The following PDE1C variants were observed in gnomAD, a reference collection of about 807,000 sequenced individuals.
PDE1C encodes dual specificity calcium/calmodulin-dependent 3',5'-cyclic nucleotide phosphodiesterase 1C.
Under a neutral mutation model 93.1 loss-of-function variants are expected in PDE1C, and 62 were observed. The observed-to-expected ratio is 0.67, with a 90% CI of 0.54 to 0.82. The LOEUF is 0.82. Ranked by LOEUF, PDE1C falls within the 40% of genes least tolerant of loss-of-function variation. The pLI is 0.00. For synonymous variants in PDE1C, 325 were observed against 310.1 expected (o/e 1.05, Z -0.50); for missense variants, 742 against 884.6 (o/e 0.84, Z 2.04).
chr7:31,645,904 A>C, the PDE1C span, among the ~76,000 whole-genome samples: 1 of 152,120 alleles, frequency 6.6e-6, no homozygotes. Context: ...GCTCTAAGAG[A>C]ATAAACATTT....
At chr7:31,707,224 G>A in the PDE1C span, 174 of 1,613,982 alleles carry the variant, frequency 1.1e-4, no homozygotes, top group African/African-American at 1.3e-4. Flanking sequence ...GCTCAGGGAC[G>A]AGAGACCCAA....
At chr7:31,743,780 A>T in the PDE1C span, among the ~76,000 whole-genome samples, 5 of 152,324 alleles carry the variant, frequency 3.3e-5, no homozygotes, top group African/African-American at 1.2e-4. Flanking sequence ...ACTCCCAAGA[A>T]GTCAGCCAGG....
At chr7:32,045,629 T>C (rs1584582937) in intron 2 of PDE1C, among the ~76,000 whole-genome samples, 1 of 152,302 alleles carries the variant, frequency 6.6e-6, no homozygotes, top group Admixed American at 6.5e-5. Flanking sequence ...CTGTTAATTT[T>C]CCCAACAAGT....
intron 1 of PDE1C, among the ~76,000 whole-genome samples, chr7:32,311,424 T>C (rs903965750): frequency 9.2e-5 from 14 of 152,218 alleles, no homozygotes; most frequent in African/African-American, 3.4e-4. Flanking sequence ...ATCATCCTGA[T>C]ACCAAAGCCA....
chr7:32,204,395 T>G (rs765224587), intron 2 of PDE1C, among the ~76,000 whole-genome samples: 2 of 152,130 alleles, frequency 1.3e-5, no homozygotes, highest in African/African-American at 2.4e-5. Context: ...GGGGGAGAAA[T>G]TAGTCCTCCC....
chr7:31,810,420 G>A (rs865792212), intron 15 of PDE1C, among the ~76,000 whole-genome samples: 65 of 152,174 alleles, frequency 4.3e-4, no homozygotes, highest in African/African-American at 1.5e-3. Context: ...CAGGCAGTAT[G>A]CTAAATGCTT....
At chr7:31,979,455 A>G (rs1292887707) in intron 2 of PDE1C, among the ~76,000 whole-genome samples, 1 of 152,200 alleles carries the variant, frequency 6.6e-6, no homozygotes, top group African/African-American at 2.4e-5. Flanking sequence ...TGTTTTTCAC[A>G]TATTAATTCA....
At chr7:32,245,404 A>C (rs761361243) in intron 1 of PDE1C, among the ~76,000 whole-genome samples, 1 of 152,182 alleles carries the variant, frequency 6.6e-6, no homozygotes, top group Non-Finnish European at 1.5e-5. Flanking sequence ...AGCTGATCCT[A>C]AGGCAATTTC....
At chr7:32,140,699 A>C (rs569282753) in intron 3 of PDE1C, among the ~76,000 whole-genome samples, 81 of 152,276 alleles carry the variant, frequency 5.3e-4, no homozygotes, top group African/African-American at 1.8e-3. Flanking sequence ...GGGCTGTTAC[A>C]AGACAAAGCA....
At chr7:32,347,458 C>T (rs760933444) in intron 1 of PDE1C, among the ~76,000 whole-genome samples, 1 of 149,940 alleles carries the variant, frequency 6.7e-6, no homozygotes. Flanking sequence ...GTGGTCATGC[C>T]CTGTATAATT....
chr7:32,239,626 TAATAATCAGGAA>T (rs1441348578), intron 1 of PDE1C, among the ~76,000 whole-genome samples: 7 of 152,198 alleles, frequency 4.6e-5, no homozygotes, highest in African/African-American at 2.4e-5. Flanking sequence ...TTTACTTTAC[TAATAATCAGGAA>T]AATGAAAAAC....
chr7:32,103,949 G>A (rs562401426), intron 3 of PDE1C, among the ~76,000 whole-genome samples: 4 of 151,946 alleles, frequency 2.6e-5, no homozygotes, highest in African/African-American at 9.7e-5. Context: ...CAACACAAAG[G>A]GTAGAGATGA....
the PDE1C span, chr7:31,642,085 A>G: frequency 3.4e-5 from 26 of 753,782 alleles, no homozygotes; most frequent in South Asian, 4.7e-4. Flanking sequence ...TGCAGGATCC[A>G]TGGTGTGTCA....
rs557191835 is a variant in PDE1C at position 32,313,110 on chromosome 7, C to T, written c.311-103571G>A. 3.3e-4 allele frequency among the ~76,000 whole-genome samples: 50 copies of T among 151,156 alleles called. No individual in the cohort carries two copies. The East Asian group carries it at 7.9e-3, about 24-fold the overall frequency. ...TGGGCGAAGGATATGAATAGACACT[C>T]CTCAAAAGAAGACATTTATGCAGCC... On this transcript the variant is annotated intron_variant, in intron 1 of 1. Coordinates refer to the PDE1C transcript ENST00000672256.
chr7:31,993,217 A>G (rs1304491628), intron 2 of PDE1C, among the ~76,000 whole-genome samples: 1 of 152,198 alleles, frequency 6.6e-6, no homozygotes, highest in Non-Finnish European at 1.5e-5. Flanking sequence ...TTTCCTCCCT[A>G]TTTGATCATA....
At chr7:32,284,605 C>T (rs1811881558) in intron 1 of PDE1C, among the ~76,000 whole-genome samples, 1 of 152,220 alleles carries the variant, frequency 6.6e-6, no homozygotes, top group Non-Finnish European at 1.5e-5. Flanking sequence ...TATCACACTA[C>T]TCTTATACAT....
At chr7:31,739,970 C>A in the PDE1C span, among the ~76,000 whole-genome samples, 1 of 152,174 alleles carries the variant, frequency 6.6e-6, no homozygotes, top group Non-Finnish European at 1.5e-5. Context: ...CTCTCTCTTT[C>A]CCAAAACCGA....
intron 1 of PDE1C, among the ~76,000 whole-genome samples, chr7:32,315,307 A>T (rs896781319): frequency 6.6e-6 from 1 of 151,846 alleles, no homozygotes; most frequent in Non-Finnish European, 1.5e-5. Context: ...TTTTGGGGTG[A>T]TTTTTGCCTG....
At chr7:32,047,178 T>C (rs1033592133) in intron 2 of PDE1C, among the ~76,000 whole-genome samples, 3 of 152,000 alleles carry the variant, frequency 2.0e-5, no homozygotes, top group Non-Finnish European at 4.4e-5. Context: ...AAGTATTTGG[T>C]TATTTCTAAG....
Sources: allele counts gnomAD v4.1 joint callset (sites outside exome capture counted in the v4.1 genomes callset), GRCh38; gene constraint gnomAD v4.1.1; transcripts MANE v1.5; gene names NCBI Gene and HGNC (gene_info 2026-07-23, HGNC 2026-07-21).